Variants in PRKN observed in about 807,000 individuals in gnomAD.
PRKN encodes E3 ubiquitin-protein ligase parkin.
A neutral mutation model predicts 59.5 loss-of-function variants in PRKN; 56 were observed. That is an observed-to-expected ratio of 0.94 (90% CI 0.76 to 1.18). The LOEUF (loss-of-function observed/expected upper bound fraction) is 1.18. Ranked by LOEUF, PRKN falls within the 50% of genes most tolerant of loss-of-function variation. The pLI, the probability that PRKN is intolerant of heterozygous loss-of-function variation, is 0.00. For synonymous variants in PRKN, 250 were observed against 222.1 expected, an observed-to-expected ratio of 1.13 and a Z score of -1.12; for missense variants, 657 against 596.4, an observed-to-expected ratio of 1.10 and a Z score of -1.06.
Position 162,475,776 on chromosome 6 carries a change from G to A in PRKN, c.8-32303C>T, listed in dbSNP as rs554529938. The stretch of plus-strand genomic sequence containing the variant: ...ATCTATTTATGTATTTTGAGACGGA[G>A]TCTCGCTTTGTCGCAATCTCAGCTC... On this transcript the variant is annotated intron_variant, in intron 1 of 11. Coordinates refer to ENST00000366898, the MANE Select transcript of PRKN (RefSeq NM_004562.3). 3.9e-5 allele frequency among the ~76,000 whole-genome samples: 6 copies of A among 152,344 alleles called. No individual in the cohort carries two copies. In the South Asian group the frequency reaches 1.0e-3, roughly 26 times the overall value.
intron 6 of PRKN, among the ~76,000 whole-genome samples, chr6:161,824,928 A>G (rs1272680345): frequency 6.6e-6 from 1 of 152,232 alleles, no homozygotes; most frequent in African/African-American, 2.4e-5. Context: ...AGCAGTCACT[A>G]TGCAATAAGA....
rs763588687 is a variant in PRKN, at chr6:161,347,613, G to GTTTTTTTTTTTTT, written c.*2485_*2486insAAAAAAAAAAAAA. On this transcript the variant is annotated 3_prime_UTR_variant, in exon 12 of 12. Coordinates refer to ENST00000366898, the MANE Select transcript of PRKN (RefSeq NM_004562.3). ...GTGTAGTGGATGATCTTGCTTTTTTGTTTTTGTTTTTTTTTTTTTTTTGAG... is the reference window on the plus strand; with the variant it reads ...GTGTAGTGGATGATCTTGCTTTTTTGTTTTTTTTTTTTTTTTTTGTTTTTTTTTTTTTTTTGAG... 3 of 119,274 alleles carry GTTTTTTTTTTTTT rather than the reference G, an allele frequency of 2.5e-5. No individual in the cohort carries two copies. Among genetic ancestry groups the GTTTTTTTTTTTTT allele is most frequent in the African/African-American group, 3.5e-5 (1 of 28,740 alleles). The allele number at this position is 119,274 out of a possible 1,614,324, so 7.4% of individuals were successfully genotyped here.
rs1780785104 is a variant in PRKN at position 161,569,408 on chromosome 6, G to A, written c.880C>T (p.Pro294Ser). ...TGGAGCTCTTTAATCAAGGAGTTGG[G>A]ACAGCCAGCTGTTGGAAAGAAGAAT... The part of the protein sequence containing the change: ...GYSLPCVAGC[P>S]NSLIKELHHF... The change falls in exon 8 of 12, where the codon CCC becomes TCC. Residue 294 changes from proline to serine, a missense_variant. Coordinates refer to ENST00000366898, the MANE Select transcript of PRKN (RefSeq NM_004562.3). 1 of 1,613,566 alleles carries A rather than the reference G, an allele frequency of 6.2e-7. No homozygotes were observed. Among genetic ancestry groups the A allele is most frequent in the Non-Finnish European group, 8.5e-7 (1 of 1,179,630 alleles).
intron 6 of PRKN, among the ~76,000 whole-genome samples, chr6:161,881,385 GA>G (rs1412699589): frequency 6.6e-6 from 1 of 152,192 alleles, no homozygotes; most frequent in Non-Finnish European, 1.5e-5. Context: ...TCGGAAAAAT[GA>G]GAGGCTAATG....
At chr6:161,450,398 G>C (rs1473255526) in intron 9 of PRKN, among the ~76,000 whole-genome samples, 5 of 152,208 alleles carry the variant, frequency 3.3e-5, no homozygotes, top group African/African-American at 4.8e-5. Context: ...CCTGCCGGCT[G>C]CCTCTGACAT....
At chr6:162,135,102 C>T (rs150863797) in intron 4 of PRKN, among the ~76,000 whole-genome samples, 2,021 of 152,214 alleles carry the variant, frequency 0.013, 55 homozygotes, top group African/African-American at 0.046. Flanking sequence ...ACAAAATATA[C>T]TATTTTTAGG....
chr6:161,808,464 G>T (rs111577517), intron 6 of PRKN, among the ~76,000 whole-genome samples: 11 of 152,280 alleles, frequency 7.2e-5, no homozygotes, highest in African/African-American at 2.6e-4. Context: ...AAATAGTACA[G>T]AAAATTGTAA....
rs926092083 is a variant in PRKN, at chr6:161,460,506, C to T, written c.1084-73629G>A. 6.6e-6 allele frequency among the ~76,000 whole-genome samples: 1 copy of T among 152,070 alleles called. No homozygotes were observed. The highest frequency in any genetic ancestry group is 2.4e-5 in the African/African-American group (1 of 41,398). ...GGGCCAGGGGACACTTCTCTGAACC[C>T]CCGTGATCACTTGGGTTTGGGGAAG... On this transcript the variant is annotated intron_variant, in intron 9 of 11. Coordinates refer to ENST00000366898, the MANE Select transcript of PRKN (RefSeq NM_004562.3). This position sits in a 1 kb window ranked among gnomAD's most constrained non-coding sequence, Gnocchi z 5.0.
chr6:161,539,978 G>A (rs563163774), intron 9 of PRKN, among the ~76,000 whole-genome samples: 2 of 152,202 alleles, frequency 1.3e-5, no homozygotes, highest in African/African-American at 2.4e-5. Flanking sequence ...AAAGTGGATC[G>A]TTTCCATATT....
At chr6:162,052,559 G>C (rs138252361) in intron 5 of PRKN, among the ~76,000 whole-genome samples, 1 of 152,112 alleles carries the variant, frequency 6.6e-6, no homozygotes, top group South Asian at 2.1e-4. Flanking sequence ...TGAAAGTACA[G>C]GGCTCCTAGA....
chr6:162,369,990 C>A (rs1785662882), intron 2 of PRKN, among the ~76,000 whole-genome samples: 1 of 152,174 alleles, frequency 6.6e-6, no homozygotes, highest in Non-Finnish European at 1.5e-5. Context: ...TACTTGTCAT[C>A]AAGAATGAGT....
At chr6:161,532,073 T>C (rs1414215566) in intron 9 of PRKN, among the ~76,000 whole-genome samples, 4 of 152,012 alleles carry the variant, frequency 2.6e-5, no homozygotes, top group African/African-American at 9.7e-5. Flanking sequence ...CTAATTTCAA[T>C]TTAAAATTTT....
rs1464081754 is a variant in PRKN, at chr6:161,350,102, C to A, written c.1395G>T (p.Val465=). 1 of 1,610,874 alleles carries A rather than the reference C, an allele frequency of 6.2e-7. No homozygotes were observed. Among genetic ancestry groups the A allele is most frequent in the Non-Finnish European group, 8.5e-7 (1 of 1,177,620 alleles). Residue 465 remains valine (V), a synonymous_variant, in exon 12 of 12, where the codon GTG becomes GTT. Transcript: ENST00000366898. ...ATGGGGCGCCCGGCCGCCCTGGCTA[C>A]ACGTCGAACCAGTGGTCCCCCATGC... ...RVCMGDHWFD[V]
At chr6:161,786,002 T>C in intron 6 of PRKN, 94 bp from the exon 7 acceptor site, 2 of 1,247,126 alleles carry the variant, frequency 1.6e-6, no homozygotes, top group East Asian at 2.5e-5. Flanking sequence ...TGGAGGGTTG[T>C]GTAGACTGTG....
chr6:162,680,856 A>G (rs1031135336), intron 1 of PRKN, among the ~76,000 whole-genome samples: 5 of 152,172 alleles, frequency 3.3e-5, no homozygotes, highest in African/African-American at 4.8e-5. Flanking sequence ...ACTGCACAAA[A>G]GGAGATATTT....
intron 6 of PRKN, among the ~76,000 whole-genome samples, chr6:161,907,150 C>T (rs1778181246): frequency 6.6e-6 from 1 of 152,258 alleles, no homozygotes; most frequent in Admixed American, 6.5e-5. Context: ...CAGTACTATT[C>T]CTATGGCTTT....
chr6:162,442,968 G>A (rs10945832), intron 2 of PRKN, among the ~76,000 whole-genome samples: 38,617 of 151,994 alleles, frequency 0.25, 4,976 homozygotes, highest in African/African-American at 0.3. Context: ...ATCCTTCTTC[G>A]TTAAGATTCA....
intron 7 of PRKN, among the ~76,000 whole-genome samples, chr6:161,718,996 A>G (rs1196768994): frequency 6.6e-6 from 1 of 152,240 alleles, no homozygotes; most frequent in Non-Finnish European, 1.5e-5. Context: ...ACTGTTATCA[A>G]TAAGCCTGAC....
rs560654190 is a variant in PRKN at position 161,499,271 on chromosome 6, C to T, written c.1083+49583G>A. Among the ~76,000 whole-genome samples the T allele has an allele frequency of 3.3e-5, 5 of 152,276 alleles. No individual in the cohort carries two copies. Among genetic ancestry groups the T allele is most frequent in the Admixed American group, 6.5e-5 (1 of 15,298 alleles). On this transcript the variant is annotated intron_variant, in intron 9 of 11. Coordinates refer to ENST00000366898, the MANE Select transcript of PRKN (RefSeq NM_004562.3). This position sits in a 1 kb window ranked among gnomAD's most constrained non-coding sequence, Gnocchi z 4.2. ...ATGAGGACACCCTGGGCCTCCACTCCTTCCCTTCAGTTGCTATTTGTCATT... is the reference window on the plus strand; with the variant it reads ...ATGAGGACACCCTGGGCCTCCACTCTTTCCCTTCAGTTGCTATTTGTCATT...
Sources: allele counts gnomAD v4.1 joint callset (sites outside exome capture counted in the v4.1 genomes callset), GRCh38; gene constraint gnomAD v4.1.1; non-coding constraint Gnocchi (gnomAD v3.1); transcripts MANE v1.5; gene names NCBI Gene and HGNC (gene_info 2026-07-23, HGNC 2026-07-21).